The following VWC2 variants were observed in gnomAD, a reference collection of about 807,000 sequenced individuals.
The protein encoded by VWC2 is von Willebrand factor C domain containing 2.
A neutral mutation model predicts 29.8 loss-of-function variants in VWC2; 14 were observed. The observed-to-expected ratio is 0.47, with a 90% CI of 0.31 to 0.74. VWC2 has a LOEUF of 0.74. VWC2 is among the 30% of genes least tolerant of loss of function. VWC2 has a pLI of 0.05. For synonymous variants in VWC2, 213 were observed against 199.0 expected (o/e 1.07, Z -0.59); for missense variants, 457 against 459.8 (o/e 0.99, Z 0.05).
rs1793782592 is a variant in VWC2 at position 49,917,425 on chromosome 7, C to T, written c.*5240C>T. 1 of 152,170 alleles carries T rather than the reference C, an allele frequency of 6.6e-6. No homozygotes were observed. 9.4% of individuals were successfully genotyped at this position (152,170 alleles called of 1,614,324 possible). A position where few individuals can be genotyped will look rare whatever the true frequency, so the allele number is the denominator to read the frequency against. ...ATTAGGAAACTTAAATGAAAATGTG[C>T]TCTCAGTGCTTGGCCCATGAGCAGT... On this transcript the variant is annotated 3_prime_UTR_variant, in exon 4 of 4. Coordinates refer to ENST00000340652, the MANE Select transcript of VWC2 (RefSeq NM_198570.5).
chr7:49,920,768 A>G lies in VWC2; in HGVS notation c.*8583A>G, dbSNP rs570827335. 8 of 152,304 alleles carry G rather than the reference A, an allele frequency of 5.3e-5. No homozygotes were observed. In the South Asian group the frequency reaches 1.7e-3, roughly 32 times the overall value. The allele number at this position is 152,304 out of a possible 1,614,324, so 9.4% of individuals were successfully genotyped here. ...TTTTAAATACTTATTCCATAAACTC[A>G]GTATTTGAAAACTTAAAAAAAAAGT... On this transcript the variant is annotated 3_prime_UTR_variant, in exon 4 of 4. Coordinates refer to ENST00000340652, the MANE Select transcript of VWC2 (RefSeq NM_198570.5).
At chr7:49,894,478 TA>T (rs1428041096) in intron 3 of VWC2, among the ~76,000 whole-genome samples, 2 of 152,264 alleles carry the variant, frequency 1.3e-5, no homozygotes, top group African/African-American at 4.8e-5. Flanking sequence ...TCCCTTGTTA[TA>T]AAAATCCAAA....
chr7:49,822,586 C>A (rs1199764858), intron 3 of VWC2, among the ~76,000 whole-genome samples: 1 of 152,098 alleles, frequency 6.6e-6, no homozygotes, highest in African/African-American at 2.4e-5. Flanking sequence ...TTACGGTCAC[C>A]CACCACCACA....
In VWC2 at chr7:49,920,209, G is replaced by A. The variant is rs1205788115; in HGVS notation, c.*8024G>A. On this transcript the variant is annotated 3_prime_UTR_variant, in exon 4 of 4. Coordinates refer to ENST00000340652, the MANE Select transcript of VWC2 (RefSeq NM_198570.5). ...TCTGAAACATTTAAAATATTAAGAAGTATGACTAAAAAACTCAAACATTTT... is the reference window on the plus strand; with the variant it reads ...TCTGAAACATTTAAAATATTAAGAAATATGACTAAAAAACTCAAACATTTT... 6.6e-6 allele frequency: 1 copy of A among 151,980 alleles called. No homozygotes were observed. The allele number at this position is 151,980 out of a possible 1,614,324, so 9.4% of individuals were successfully genotyped here.
chr7:49,815,285 A>G (rs1424523786), intron 3 of VWC2, among the ~76,000 whole-genome samples: 1 of 152,214 alleles, frequency 6.6e-6, no homozygotes, highest in Non-Finnish European at 1.5e-5. Flanking sequence ...GAGAGGGGGA[A>G]GAAGTGAGTA....
rs1201984518 is a variant in VWC2, at chr7:49,921,243, A to T, written c.*9058A>T. ...ACCAGGGTGAGAACATGCTGGCTGG[A>T]GGATGGGTCTGGTTTCCAGCAGAGA... On this transcript the variant is annotated 3_prime_UTR_variant, in exon 4 of 4. Coordinates refer to ENST00000340652, the MANE Select transcript of VWC2 (RefSeq NM_198570.5). 6.6e-6 allele frequency: 1 copy of T among 152,236 alleles called. No homozygotes were observed. The highest frequency in any genetic ancestry group is 2.4e-5 in the African/African-American group (1 of 41,458). The allele number at this position is 152,236 out of a possible 1,614,324, so 9.4% of individuals were successfully genotyped here.
At chr7:49,804,151 G>A (rs1271674901) in intron 3 of VWC2, among the ~76,000 whole-genome samples, 2 of 151,502 alleles carry the variant, frequency 1.3e-5, no homozygotes, top group East Asian at 3.9e-4. Flanking sequence ...GGGACTTTGA[G>A]CATGGAGTGT....
At chr7:49,843,835 G>A (rs150310962) in intron 3 of VWC2, among the ~76,000 whole-genome samples, 9 of 152,328 alleles carry the variant, frequency 5.9e-5, no homozygotes, top group East Asian at 5.8e-4. Context: ...CTTAGAAAAC[G>A]CAATCTGTCA....
chr7:49,849,522 A>G (rs553415630), intron 3 of VWC2, among the ~76,000 whole-genome samples: 1 of 152,306 alleles, frequency 6.6e-6, no homozygotes, highest in African/African-American at 2.4e-5. Flanking sequence ...GCTAACTGGC[A>G]TATGCACCCC....
Position 49,775,678 on chromosome 7 carries a change from C to A in VWC2, c.243C>A (p.Gly81=). Residue 81 remains glycine, a synonymous_variant, in exon 2 of 4, where the codon GGC becomes GGA. Coordinates refer to ENST00000340652, the MANE Select transcript of VWC2 (RefSeq NM_198570.5). ...GSGRDWKSKS[G]RGLAGREPWS... is the part of the protein sequence containing the mutation. ...GCCGGGACTGGAAGAGCAAGAGCGG[C>A]CGTGGGCTCGCCGGCCGTGAGCCGT... 1 of 1,524,776 alleles carries A rather than the reference C, an allele frequency of 6.6e-7. No homozygotes were observed. Among genetic ancestry groups the A allele is most frequent in the Non-Finnish European group, 8.8e-7 (1 of 1,139,346 alleles). 94.5% of individuals were successfully genotyped at this position (1,524,776 alleles called of 1,614,324 possible). A position where few individuals can be genotyped will look rare whatever the true frequency, so the allele number is the denominator to read the frequency against.
At chr7:49,887,714 G>A (rs1011014525) in intron 3 of VWC2, among the ~76,000 whole-genome samples, 4 of 149,842 alleles carry the variant, frequency 2.7e-5, no homozygotes, top group Middle Eastern at 6.3e-3. Flanking sequence ...CAGCTCAAAT[G>A]CAAGTGTCTC....
At chr7:49,911,926 C>CACACACACACAT (rs1445273046) in intron 3 of VWC2, 108 bp from the exon 4 acceptor site, 4 of 709,064 alleles carry the variant, frequency 5.6e-6, no homozygotes. Flanking sequence ...AATACACGCA[C>CACACACACACAT]ACACACACAC....
At chr7:49,866,126 C>T (rs1047359893) in intron 3 of VWC2, among the ~76,000 whole-genome samples, 2 of 152,130 alleles carry the variant, frequency 1.3e-5, no homozygotes, top group Admixed American at 1.3e-4. Flanking sequence ...TCCTTCATAT[C>T]GCCTCTAAAT....
intron 3 of VWC2, among the ~76,000 whole-genome samples, chr7:49,849,114 T>G (rs542621647): frequency 1.3e-5 from 2 of 152,292 alleles, no homozygotes; most frequent in East Asian, 3.9e-4. Flanking sequence ...TTCTTATTTC[T>G]CAGAGTTTGA....
intron 3 of VWC2, among the ~76,000 whole-genome samples, chr7:49,827,229 T>C (rs1789415685): frequency 6.6e-6 from 1 of 152,086 alleles, no homozygotes; most frequent in Non-Finnish European, 1.5e-5. Context: ...CTTTTCTGTA[T>C]TCTCTAGTTT....
intron 2 of VWC2, among the ~76,000 whole-genome samples, chr7:49,790,264 A>G (rs1327079060): frequency 6.6e-6 from 1 of 152,178 alleles, no homozygotes; most frequent in African/African-American, 2.4e-5. Context: ...TAAAGAAGGA[A>G]AAGTTGTCTG....
chr7:49,784,123 G>A (rs956384964), intron 2 of VWC2, among the ~76,000 whole-genome samples: 8 of 152,164 alleles, frequency 5.3e-5, no homozygotes, highest in African/African-American at 1.9e-4. Flanking sequence ...AATGTTATTT[G>A]TATAAATTGA....
chr7:49,775,138 T>A (rs1485307903), intron 1 of VWC2, among the ~76,000 whole-genome samples, 195 bp from the exon 2 acceptor site: 1 of 152,114 alleles, frequency 6.6e-6, no homozygotes, highest in Non-Finnish European at 1.5e-5. Context: ...CGTTCTTGGA[T>A]TTCGCTTCCA....
intron 3 of VWC2, among the ~76,000 whole-genome samples, chr7:49,886,035 G>A (rs1014039388): frequency 6.6e-6 from 1 of 152,226 alleles, no homozygotes; most frequent in African/African-American, 2.4e-5. Context: ...GAGTGGAGAG[G>A]TCAGGAAAGC....
Sources: gnomAD v4.1 joint callset for allele counts (sites outside exome capture counted in the v4.1 genomes callset) on GRCh38, gnomAD v4.1.1 for gene constraint, MANE v1.5 for transcripts, NCBI Gene and HGNC (gene_info 2026-07-23, HGNC 2026-07-21) for gene names.